UBXN4: variants seen among roughly 807,000 people sequenced by gnomAD.
UBXN4 encodes the protein UBX domain protein 4, also known as UBX domain-containing protein 4.
Under a neutral mutation model 66.2 loss-of-function variants are expected in UBXN4, and 35 were observed. The ratio of observed to expected loss-of-function variants is 0.53; its 90% confidence interval spans 0.40 to 0.70. The LOEUF (loss-of-function observed/expected upper bound fraction) is 0.70. UBXN4 is among the 30% of genes least tolerant of loss of function. The pLI is 0.00. For synonymous variants in UBXN4, 203 were observed against 204.5 expected (o/e 0.99, Z 0.06); for missense variants, 533 against 599.8 (o/e 0.89, Z 1.16).
intron 2 of UBXN4, among the ~76,000 whole-genome samples, chr2:135,750,835 CTTTTTTTTTTTTTTTTTTTT>C (rs1166056661): frequency 0.014 from 1,098 of 77,462 alleles, 21 homozygotes; most frequent in Middle Eastern, 0.055. Flanking sequence ...ATGTGTCTGG[CTTTTTTTTTTTTTTTTTTTT>C]TTTTTTTTTT....
chr2:135,756,781 G>A (rs181249800), intron 5 of UBXN4, among the ~76,000 whole-genome samples: 53 of 152,216 alleles, frequency 3.5e-4, no homozygotes, highest in Admixed American at 3.4e-3. Flanking sequence ...TACAGGTCTG[G>A]AGTTTTCTTT....
intron 4 of UBXN4, among the ~76,000 whole-genome samples, chr2:135,755,045 A>G (rs1452397151): frequency 1.3e-5 from 2 of 152,126 alleles, no homozygotes; most frequent in Non-Finnish European, 2.9e-5. Flanking sequence ...TGACCTCCCA[A>G]AGTGCTGGGA....
Position 135,784,931 on chromosome 2 carries a change from C to T in UBXN4, c.*2044C>T, listed in dbSNP as rs2077474578. 6.6e-6 allele frequency: 1 copy of T among 152,464 alleles called. No homozygotes were observed. The highest frequency in any genetic ancestry group is 2.1e-4 in the South Asian group (1 of 4,832). 9.4% of individuals were successfully genotyped at this position (152,464 alleles called of 1,614,324 possible). On this transcript the variant is annotated 3_prime_UTR_variant, in exon 13 of 13. Transcript: ENST00000272638. Reference sequence around the variant, plus strand: ...AAATGAGAATTCTGCCCCCTCACCTCTTACCCCAGTACTATTCTCCAGAGG... The same window carrying T: ...AAATGAGAATTCTGCCCCCTCACCTTTTACCCCAGTACTATTCTCCAGAGG...
chr2:135,782,216 A>G (rs1443869635), intron 12 of UBXN4, among the ~76,000 whole-genome samples: 1 of 152,194 alleles, frequency 6.6e-6, no homozygotes, highest in East Asian at 1.9e-4. Flanking sequence ...TCCCCTCTAG[A>G]GTTATAAAAG....
At chr2:135,768,316 A>G (rs2077359973) in intron 6 of UBXN4, among the ~76,000 whole-genome samples, 1 of 151,804 alleles carries the variant, frequency 6.6e-6, no homozygotes, top group Non-Finnish European at 1.5e-5. Context: ...CTCCTGGCTC[A>G]GCCTCCTGAG....
intron 10 of UBXN4, among the ~76,000 whole-genome samples, chr2:135,777,883 A>G (rs2077426508): frequency 6.6e-6 from 1 of 150,616 alleles, no homozygotes; most frequent in South Asian, 2.2e-4. Context: ...ACTCCATCTC[A>G]AAAAAAACAA....
At chr2:135,782,030 G>A (rs892418930) in intron 12 of UBXN4, among the ~76,000 whole-genome samples, 2 of 152,140 alleles carry the variant, frequency 1.3e-5, no homozygotes, top group South Asian at 2.1e-4. Context: ...AACCGTGATC[G>A]TGCCACTGCA....
At chr2:135,773,175 G>C (rs1161743844) in intron 9 of UBXN4, among the ~76,000 whole-genome samples, 1 of 152,164 alleles carries the variant, frequency 6.6e-6, no homozygotes, top group Admixed American at 6.5e-5. Context: ...TATCCGATAG[G>C]ATTAAGCAAA....
intron 2 of UBXN4, among the ~76,000 whole-genome samples, chr2:135,751,169 A>G (rs1490853326): frequency 6.9e-6 from 1 of 145,396 alleles, no homozygotes; most frequent in African/African-American, 2.6e-5. Flanking sequence ...GGCATTTTTA[A>G]AAATAAATTA....
chr2:135,759,829 C>T (rs1336991603), intron 5 of UBXN4, among the ~76,000 whole-genome samples: 15 of 122,474 alleles, frequency 1.2e-4, no homozygotes, highest in East Asian at 5.1e-4. Context: ...AGTGCAGTGG[C>T]GCTATCTTGG....
rs111798914 is a variant in UBXN4, at chr2:135,741,888, G to A, written c.-42G>A. On this transcript the variant is annotated 5_prime_UTR_variant, in exon 1 of 13. Transcript: ENST00000272638. Reference sequence around the variant, plus strand: ...AGGGCGGAGCCGGCTTCGGGACTGCGGAGACTACACACCGAGCGAGCGCCT... The same window carrying A: ...AGGGCGGAGCCGGCTTCGGGACTGCAGAGACTACACACCGAGCGAGCGCCT... 0.025 allele frequency: 39,993 copies of A among 1,588,308 alleles called. 1,152 individuals are homozygous for A. The highest frequency in any genetic ancestry group is 0.13 in the African/African-American group (9,823 of 73,662).
At chr2:135,779,526 C>T (rs992268411) in intron 11 of UBXN4, among the ~76,000 whole-genome samples, 7 of 152,094 alleles carry the variant, frequency 4.6e-5, no homozygotes, top group African/African-American at 1.7e-4. Context: ...TGACTGCTGC[C>T]GTAACTGGGA....
At chr2:135,768,112 AGT>A (rs2077358624) in intron 6 of UBXN4, among the ~76,000 whole-genome samples, 2 of 152,188 alleles carry the variant, frequency 1.3e-5, no homozygotes, top group African/African-American at 4.8e-5. Context: ...TGAAATTGAA[AGT>A]GTACAATTCA....
rs376124383 is a variant in UBXN4 at position 135,772,451 on chromosome 2, A to G, written c.854A>G (p.Lys285Arg). Residue 285 changes from lysine to arginine, a missense_variant, in exon 9 of 13, where the codon AAG (lysine) becomes AGG (arginine). By Grantham distance (26) the Lys-to-Arg change is conservative. Transcript: ENST00000272638. The part of the protein sequence containing the change: ...DRAERAARFA[K>R]TKEEVEAAKA... ...GCAGAGAGAGCTGCTCGTTTTGCAAAGACAAAGGAAGAAGTAGAGGCTGCC... is the reference window on the plus strand; with the variant it reads ...GCAGAGAGAGCTGCTCGTTTTGCAAGGACAAAGGAAGAAGTAGAGGCTGCC... 3.1e-6 allele frequency: 5 copies of G among 1,614,164 alleles called. No individual in the cohort carries two copies. The highest frequency in any genetic ancestry group is 4.2e-6 in the Non-Finnish European group (5 of 1,179,976).
chr2:135,781,494 A>C (rs1012182825), intron 12 of UBXN4, among the ~76,000 whole-genome samples: 1 of 152,206 alleles, frequency 6.6e-6, no homozygotes, highest in African/African-American at 2.4e-5. Flanking sequence ...TGTGATAAGT[A>C]ATAGAAATTC....
chr2:135,747,894 T>A lies in UBXN4; in HGVS notation c.83-373T>A, dbSNP rs115484261. The A allele has an allele frequency of 8.2e-3, 2,739 of 335,012 alleles. 20 individuals are homozygous for A. Among genetic ancestry groups the A allele is most frequent in the Middle Eastern group, 0.046 (42 of 912 alleles). 20.8% of individuals were successfully genotyped at this position (335,012 alleles called of 1,614,324 possible). ...CCTCAGCCTCCCAAAGTGCTGAGATTATAGGCGTGAGCCACCGAGCCCAGC... is the reference window on the plus strand; with the variant it reads ...CCTCAGCCTCCCAAAGTGCTGAGATAATAGGCGTGAGCCACCGAGCCCAGC... On this transcript the variant is annotated intron_variant, in intron 1 of 12. Transcript: ENST00000272638.
At chr2:135,767,154 A>G (rs1283534636) in intron 6 of UBXN4, among the ~76,000 whole-genome samples, 1 of 152,196 alleles carries the variant, frequency 6.6e-6, no homozygotes, top group Non-Finnish European at 1.5e-5. Context: ...TGAGGTCAGG[A>G]GTTCAAGACC....
rs755667672 is a variant in UBXN4, at chr2:135,779,016, A to T, written c.1122A>T (p.Glu374Asp). 5 of 1,613,814 alleles carry T rather than the reference A, an allele frequency of 3.1e-6. No homozygotes were observed. The highest frequency in any genetic ancestry group is 8.5e-7 in the Non-Finnish European group (1 of 1,179,918). ...TMFPRREFTK[E>D]DYKKKLLDLE... ...TTCCCAGGAGGGAATTTACCAAAGA[A>T]GATTATAAAAAGAAGTTACTGGATT... Residue 374 changes from glutamate (E) to aspartate (D), a missense_variant, in exon 11 of 13, where the codon GAA becomes GAT. Transcript: ENST00000272638.
chr2:135,769,940 C>A, intron 7 of UBXN4, 117 bp downstream of exon 7: 1 of 736,272 alleles, frequency 1.4e-6, no homozygotes, highest in Non-Finnish European at 2.0e-6. Context: ...AGTGTTGCAG[C>A]ACTATGAAGA....
Sources: allele counts gnomAD v4.1 joint callset (sites outside exome capture counted in the v4.1 genomes callset), GRCh38; gene constraint gnomAD v4.1.1; transcripts MANE v1.5; gene names NCBI Gene and HGNC (gene_info 2026-07-23, HGNC 2026-07-21).